Variants in CUL5 observed in about 807,000 individuals in gnomAD.
CUL5 encodes cullin-5.
A neutral mutation model predicts 108.8 loss-of-function variants in CUL5; 26 were observed. The ratio of observed to expected loss-of-function variants is 0.24; its 90% CI spans 0.18 to 0.33. CUL5 has a LOEUF of 0.33. CUL5 is among the 10% of genes least tolerant of loss of function. The pLI is 1.00. For synonymous variants in CUL5, 334 were observed against 298.0 expected (o/e 1.12, Z -1.25); for missense variants, 524 against 909.2 (o/e 0.58, Z 5.45).
intron 7 of CUL5, among the ~76,000 whole-genome samples, chr11:108,067,893 A>C (rs1272098986): frequency 6.6e-6 from 1 of 151,864 alleles, no homozygotes; most frequent in Non-Finnish European, 1.5e-5. Context: ...GAGTTTCTTA[A>C]CCATTTTATA....
At chr11:108,049,826 AAT>A in intron 3 of CUL5, 62 bp from the exon 4 acceptor site, 1 of 1,301,310 alleles carries the variant, frequency 7.7e-7, no homozygotes, top group Non-Finnish European at 1.1e-6. Context: ...TTTTGGCATG[AAT>A]ATGTTCTTAA....
intron 2 of CUL5, among the ~76,000 whole-genome samples, chr11:108,045,509 C>T (rs898789661): frequency 6.6e-6 from 1 of 152,094 alleles, no homozygotes; most frequent in African/African-American, 2.4e-5. Flanking sequence ...CCCTTGAGCA[C>T]AGGAGTTTGA....
At chr11:108,048,233 A>G (rs1191015244) in intron 3 of CUL5, among the ~76,000 whole-genome samples, 1 of 151,946 alleles carries the variant, frequency 6.6e-6, no homozygotes, top group East Asian at 1.9e-4. Context: ...TGAAATGTTT[A>G]TAACATTTTT....
At chr11:108,080,428 GCTCTAT>G (rs1864050296) in intron 11 of CUL5, among the ~76,000 whole-genome samples, 1 of 151,676 alleles carries the variant, frequency 6.6e-6, no homozygotes, top group Admixed American at 6.6e-5. Context: ...ACGGGGCCTT[GCTCTAT>G]CTCCAGGCTG....
At chr11:108,053,495 C>G (rs1863289803) in intron 5 of CUL5, among the ~76,000 whole-genome samples, 1 of 152,062 alleles carries the variant, frequency 6.6e-6, no homozygotes, top group South Asian at 2.1e-4. Context: ...ATTAGCAGTG[C>G]TCCTGAAATT....
At chr11:108,073,728 A>G (rs1863881299) in intron 10 of CUL5, 2 of 267,632 alleles carry the variant, frequency 7.5e-6, no homozygotes, top group East Asian at 1.4e-4. Flanking sequence ...CTTTTTTCTC[A>G]TTTTTCCAAG....
chr11:108,072,581 G>A, intron 9 of CUL5, 119 bp downstream of exon 9: 1 of 724,434 alleles, frequency 1.4e-6, no homozygotes, highest in Non-Finnish European at 2.2e-6. Context: ...GAAGAGGTTG[G>A]TTAGTGGGGT....
In CUL5 at chr11:108,033,807, A is replaced by G; in HGVS notation, c.30A>G (p.Lys10=). The G allele has an allele frequency of 6.4e-7, 1 of 1,574,274 alleles. No individual in the cohort carries two copies. Among genetic ancestry groups the G allele is most frequent in the Non-Finnish European group, 8.7e-7 (1 of 1,154,578 alleles). The change falls in exon 2 of 19, where the codon AAA becomes AAG. Residue 10 remains lysine, a synonymous_variant. Transcript: ENST00000393094. The stretch of plus-strand genomic sequence containing the variant: ...TTATCTTTTTTTTTTTCAAGAATAA[A>G]GGTTCTCTTCAGTTTGAAGACAAAT... MATSNLLKN[K]GSLQFEDKWD...
At chr11:108,095,834 G>A (rs994702221) in intron 16 of CUL5, 143 bp downstream of exon 16, 18 of 729,212 alleles carry the variant, frequency 2.5e-5, no homozygotes, top group Non-Finnish European at 3.0e-5. Context: ...AGTGGATCAC[G>A]CCTGTAATCC....
intron 7 of CUL5, among the ~76,000 whole-genome samples, chr11:108,057,490 G>A (rs1044983320): frequency 1.6e-4 from 24 of 152,170 alleles, no homozygotes; most frequent in African/African-American, 4.1e-4. Context: ...GTGATATGAT[G>A]CACTAAGAAG....
At chr11:108,036,490 T>C (rs563511401) in intron 2 of CUL5, among the ~76,000 whole-genome samples, 36 of 152,194 alleles carry the variant, frequency 2.4e-4, no homozygotes, top group Non-Finnish European at 4.4e-4. Context: ...TTTATTTATT[T>C]ATTATTGAGA....
At chr11:108,073,641 A>G (rs1863879521) in intron 10 of CUL5, 144 bp downstream of exon 10, 2 of 420,466 alleles carry the variant, frequency 4.8e-6, no homozygotes, top group African/African-American at 2.1e-5. Context: ...GAGAACAACT[A>G]TATTCGTTTT....
chr11:108,071,483 C>T (rs894739279), intron 8 of CUL5, among the ~76,000 whole-genome samples: 3 of 152,036 alleles, frequency 2.0e-5, no homozygotes, highest in Non-Finnish European at 2.9e-5. Flanking sequence ...GGCTGATCTC[C>T]ACTGCTTCTG....
At chr11:108,025,284 A>G (rs1265017193) in intron 1 of CUL5, among the ~76,000 whole-genome samples, 1 of 150,814 alleles carries the variant, frequency 6.6e-6, no homozygotes, top group Non-Finnish European at 1.5e-5. Flanking sequence ...TCTTTTGGTG[A>G]TTTTTTTTGT....
chr11:108,016,268 CTCTTT>C lies in CUL5; in HGVS notation c.24+6905_24+6909del, dbSNP rs369519066. Among the ~76,000 whole-genome samples the C allele has an allele frequency of 1.6e-3, 250 of 151,780 alleles. 2 individuals are homozygous for C. The highest frequency in any genetic ancestry group is 5.8e-3 in the African/African-American group (240 of 41,346). ...TTCTCTTCTCGTCTTCTCTTCTCTT[CTCTTT>C]TCTTTTCTGTTGAGACAGGGTCTCA... On this transcript the variant is annotated intron_variant, in intron 1 of 18. Transcript: ENST00000393094.
At chr11:108,097,880 A>T (rs1864538232) in intron 17 of CUL5, 126 bp downstream of exon 17, 1 of 569,510 alleles carries the variant, frequency 1.8e-6, no homozygotes, top group Admixed American at 3.1e-5. Flanking sequence ...CTCTAAACTT[A>T]CATCATTTAG....
intron 7 of CUL5, among the ~76,000 whole-genome samples, chr11:108,062,764 T>C (rs565019695): frequency 2.0e-5 from 3 of 152,182 alleles, no homozygotes; most frequent in Non-Finnish European, 2.9e-5. Flanking sequence ...TTTTTAAACA[T>C]AAAATTAAAT....
At chr11:108,079,576 C>T (rs747176840) in intron 11 of CUL5, among the ~76,000 whole-genome samples, 2 of 152,154 alleles carry the variant, frequency 1.3e-5, no homozygotes, top group Admixed American at 6.6e-5. Context: ...AGCATACAGT[C>T]ATTTATTGAA....
At chr11:108,099,716 T>C (rs1864601796) in intron 18 of CUL5, among the ~76,000 whole-genome samples, 1 of 152,168 alleles carries the variant, frequency 6.6e-6, no homozygotes, top group South Asian at 2.1e-4. Flanking sequence ...ACACCAGTCA[T>C]CTTCCCATGT....
Sources: gnomAD v4.1 joint callset for allele counts (sites outside exome capture counted in the v4.1 genomes callset) on GRCh38, gnomAD v4.1.1 for gene constraint, MANE v1.5 for transcripts, NCBI Gene and HGNC (gene_info 2026-07-23, HGNC 2026-07-21) for gene names.